PTPN21: variants seen among roughly 807,000 people sequenced by gnomAD.
PTPN21 encodes tyrosine-protein phosphatase non-receptor type 21.
In PTPN21, 77 loss-of-function variants were observed where a neutral mutation model predicts 131.8. That is an observed-to-expected ratio of 0.58 (90% CI 0.49 to 0.71). PTPN21 has a LOEUF of 0.71. Ranked by LOEUF, PTPN21 falls within the 30% of genes least tolerant of loss-of-function variation. The pLI is 0.00. For missense variants in PTPN21, 1,552 were observed against 1,527.1 expected, an observed-to-expected ratio of 1.02 and a Z score of -0.27; for synonymous variants, 715 against 621.3, an observed-to-expected ratio of 1.15 and a Z score of -2.24.
chr14:88,551,473 T>G (rs1288683056), intron 1 of PTPN21: 1 of 152,192 alleles, frequency 6.6e-6, no homozygotes, highest in African/African-American at 2.4e-5. Flanking sequence ...GCACGCGGCG[T>G]TGCCAGGCCA....
At chr14:88,517,772 A>G (rs1488565891) in intron 2 of PTPN21, among the ~76,000 whole-genome samples, 2 of 141,250 alleles carry the variant, frequency 1.4e-5, no homozygotes, top group Non-Finnish European at 3.1e-5. Flanking sequence ...TATACACTAT[A>G]TATAATGGTA....
At position 88,469,567 on chromosome 14, in the gene PTPN21, G is replaced by A. The variant is rs780694032; in HGVS notation, c.3167C>T (p.Thr1056Ile). ...GTCTGTGTATTGGAGGTGCCAGACG[G>A]TCCTCTCTTGCCCAGTAAGGAGGTG... ...MKHLLTGQER[T>I]VWHLQYTDWP... The change falls in exon 17 of 19, where the codon ACC becomes ATC. Residue 1056 changes from threonine to isoleucine, a missense_variant. This residue lies in a region of PTPN21 where 316 missense variants were observed against 378.5 expected (regional missense o/e 0.83). Transcript: ENST00000556564. This position sits in a 1 kb window ranked among gnomAD's most constrained non-coding sequence, Gnocchi z 4.3. 3.7e-6 allele frequency: 6 copies of A among 1,614,144 alleles called. No individual in the cohort carries two copies. Among genetic ancestry groups the A allele is most frequent in the Middle Eastern group, 1.6e-4 (1 of 6,062 alleles).
chr14:88,540,726 G>C (rs965209353), intron 2 of PTPN21, among the ~76,000 whole-genome samples: 2 of 152,142 alleles, frequency 1.3e-5, no homozygotes, highest in African/African-American at 4.8e-5. Flanking sequence ...GCAGTGGCAT[G>C]ATCATGGCTC....
intron 1 of PTPN21, chr14:88,552,326 A>AAGCCG (rs2078880451): frequency 6.6e-6 from 1 of 152,264 alleles, no homozygotes; most frequent in South Asian, 2.1e-4. Flanking sequence ...CGGCTTTGCC[A>AAGCCG]AACTTAACAT....
chr14:88,490,585 A>G (rs73315951), intron 10 of PTPN21, among the ~76,000 whole-genome samples: 5,611 of 152,068 alleles, frequency 0.037, 348 homozygotes, highest in African/African-American at 0.13. Flanking sequence ...CAGACTTCCT[A>G]TAGTCTCTTC....
chr14:88,474,133 A>G (rs60944723), intron 13 of PTPN21, among the ~76,000 whole-genome samples: 5 of 123,070 alleles, frequency 4.1e-5, no homozygotes, highest in Non-Finnish European at 6.4e-5. Context: ...CTGAAGTCCA[A>G]AAAAAAAAAA....
At chr14:88,506,606 A>T (rs926406727) in intron 4 of PTPN21, among the ~76,000 whole-genome samples, 4 of 152,120 alleles carry the variant, frequency 2.6e-5, no homozygotes, top group African/African-American at 9.7e-5. Flanking sequence ...TGATGTTATT[A>T]CTGCATAATT....
intron 6 of PTPN21, among the ~76,000 whole-genome samples, chr14:88,503,256 G>C (rs569671487): frequency 2.0e-5 from 3 of 152,014 alleles, no homozygotes; most frequent in Non-Finnish European, 4.4e-5. Flanking sequence ...GGATGGTCTC[G>C]ATCTCCTGAC....
Position 88,517,131 on chromosome 14 carries a change from T to C in PTPN21, c.311A>G (p.Tyr104Cys). 1 of 1,614,062 alleles carries C rather than the reference T, an allele frequency of 6.2e-7. No individual in the cohort carries two copies. Among genetic ancestry groups the C allele is most frequent in the Non-Finnish European group, 8.5e-7 (1 of 1,179,948 alleles). ...EPTVYFGVVF[Y>C]VPSVSQLQQE... ...CTGCAGCTGAGAAACTGAAGGCACATAAAACACCACTCCAAAATAGACGGT... is the reference window on the plus strand; with the variant it reads ...CTGCAGCTGAGAAACTGAAGGCACACAAAACACCACTCCAAAATAGACGGT... Residue 104 changes from tyrosine to cysteine, a missense_variant, in exon 3 of 19, where the codon TAT becomes TGT. Around this residue, in one of 4 missense-constraint regions of PTPN21, gnomAD observed 206 missense variants for 221.6 expected, o/e 0.93. Transcript: ENST00000556564.
At chr14:88,493,871 C>G (rs978824445) in intron 10 of PTPN21, among the ~76,000 whole-genome samples, 1 of 152,158 alleles carries the variant, frequency 6.6e-6, no homozygotes, top group Non-Finnish European at 1.5e-5. Context: ...AATCAGAGCT[C>G]TTAACACCTG....
chr14:88,543,113 C>T (rs867032814), intron 2 of PTPN21, among the ~76,000 whole-genome samples: 1 of 152,246 alleles, frequency 6.6e-6, no homozygotes, highest in Non-Finnish European at 1.5e-5. Flanking sequence ...ATTTGGAATA[C>T]CTAAGACACT....
chr14:88,523,769 C>T (rs964405936), intron 2 of PTPN21, among the ~76,000 whole-genome samples: 2 of 150,566 alleles, frequency 1.3e-5, no homozygotes, highest in East Asian at 2.0e-4. Context: ...CTGCCCTACT[C>T]GAGGTAATAC....
intron 12 of PTPN21, among the ~76,000 whole-genome samples, chr14:88,483,973 G>A (rs59166295): frequency 0.037 from 5,604 of 151,130 alleles, 350 homozygotes; most frequent in African/African-American, 0.13. Context: ...CATTCTCCAC[G>A]AAAAAGGGGT....
In PTPN21 at chr14:88,524,154, G is replaced by A. The variant is rs181523805; in HGVS notation, c.181-6893C>T. Among the ~76,000 whole-genome samples the A allele has an allele frequency of 4.1e-4, 63 of 152,234 alleles. No homozygotes were observed. The East Asian group carries it at 9.5e-3, about 23-fold the overall frequency. On this transcript the variant is annotated intron_variant, in intron 2 of 18. Transcript: ENST00000556564. ...TCAAATTCACATGGGCCTGCAAGGG[G>A]CTCCAAATAGCCAAAACAATACTGA...
At chr14:88,518,361 C>G in intron 2 of PTPN21, among the ~76,000 whole-genome samples, 1 of 73,014 alleles carries the variant, frequency 1.4e-5, no homozygotes, top group South Asian at 4.8e-4. Flanking sequence ...TATATACATA[C>G]ACGTGTGTGT....
Position 88,482,689 on chromosome 14 carries a change from A to T in PTPN21, c.1079-2337T>A, listed in dbSNP as rs181365338. On this transcript the variant is annotated intron_variant, in intron 12 of 18. Transcript: ENST00000556564. Reference sequence around the variant, plus strand: ...TGGGAAGCTCACAGAGGGAGGGAAAAAGCCACAGGACAGACCTGCAGAGCT... The same window carrying T: ...TGGGAAGCTCACAGAGGGAGGGAAATAGCCACAGGACAGACCTGCAGAGCT... 1.7e-3 allele frequency among the ~76,000 whole-genome samples: 265 copies of T among 152,140 alleles called. 1 individual carries two copies. The highest frequency in any genetic ancestry group is 5.9e-3 in the African/African-American group (243 of 41,516).
At chr14:88,511,146 G>A (rs1185967971) in intron 3 of PTPN21, among the ~76,000 whole-genome samples, 3 of 151,920 alleles carry the variant, frequency 2.0e-5, no homozygotes, top group Non-Finnish European at 4.4e-5. Flanking sequence ...AAACTCCTGA[G>A]CTCAAGCGAT....
chr14:88,550,336 G>A lies in PTPN21; in HGVS notation c.82C>T (p.Gln28Ter). ...SSKSCLVARI[Q>*]LLNNEFVEFT... ...TCCACAAACTCGTTATTAAGCAGTT[G>A]GATCCGGGCAACCAGGCAACTCTTG... Residue 28 changes from glutamine (Q) to a stop codon, truncating the protein, a stop_gained, in exon 2 of 19, where the codon CAA becomes TAA. Transcript: ENST00000556564. LOFTEE classifies it high-confidence loss of function. The A allele has an allele frequency of 6.2e-7, 1 of 1,614,232 alleles. No individual in the cohort carries two copies. Among genetic ancestry groups the A allele is most frequent in the Non-Finnish European group, 8.5e-7 (1 of 1,180,044 alleles).
At chr14:88,554,496 C>T (rs2078900000) in intron 1 of PTPN21, among the ~76,000 whole-genome samples, 155 bp downstream of exon 1, 1 of 152,152 alleles carries the variant, frequency 6.6e-6, no homozygotes, top group African/African-American at 2.4e-5. Flanking sequence ...CAAGACTTTT[C>T]TCTTTGTTAC....
Sources: allele counts gnomAD v4.1 joint callset (sites outside exome capture counted in the v4.1 genomes callset), GRCh38; gene constraint gnomAD v4.1.1; regional missense constraint gnomAD v4.1.1; non-coding constraint Gnocchi (gnomAD v3.1); transcripts MANE v1.5; gene names NCBI Gene and HGNC (gene_info 2026-07-23, HGNC 2026-07-21).